OSER1: variants seen among roughly 807,000 people sequenced by gnomAD.
The protein encoded by OSER1 is oxidative stress responsive serine rich 1, also known as oxidative stress-responsive serine-rich protein 1.
In OSER1, 15 loss-of-function variants were observed where a neutral mutation model predicts 26.3. That is an observed-to-expected ratio of 0.57 (90% CI 0.38 to 0.88). The LOEUF (loss-of-function observed/expected upper bound fraction) is 0.88, where lower values mean the gene tolerates loss of function less well. Among genes scored for constraint, OSER1 ranks in the 40% least tolerant of loss-of-function variants. The probability of loss-of-function intolerance (pLI) is 0.00; values close to 1 mark genes in which losing one functional copy is unlikely to be tolerated. For synonymous variants in OSER1, 127 were observed against 128.2 expected, an observed-to-expected ratio of 0.99 and a Z score of 0.07; for missense variants, 313 against 353.9, an observed-to-expected ratio of 0.88 and a Z score of 0.93.
chr20:44,200,947 T>C (rs551479746), intron 3 of OSER1, among the ~76,000 whole-genome samples: 2 of 152,176 alleles, frequency 1.3e-5, no homozygotes, highest in Non-Finnish European at 2.9e-5. Flanking sequence ...TAACTGTCAA[T>C]CTAGAAATAT....
rs765799812 is a variant in OSER1 at position 44,203,112 on chromosome 20, G to A, written c.78-38C>T. The A allele has an allele frequency of 4.8e-6, 5 of 1,046,634 alleles. No homozygotes were observed. In the South Asian group the frequency reaches 5.1e-5, roughly 11 times the overall value. The allele number at this position is 1,046,634 out of a possible 1,614,324, so 64.8% of individuals were successfully genotyped here. On this transcript the variant is annotated intron_variant, in intron 2 of 3. Coordinates refer to ENST00000255174, the MANE Select transcript of OSER1 (RefSeq NM_016470.8). ...ACAAAGTTTACAGCTACAAAAAACTGTAAAATGAGGAGAACATATTGTTCT... is the reference window on the plus strand; with the variant it reads ...ACAAAGTTTACAGCTACAAAAAACTATAAAATGAGGAGAACATATTGTTCT...
chr20:44,210,786 C>G (rs1192022396), upstream of OSER1: 2 of 152,572 alleles, frequency 1.3e-5, no homozygotes, highest in African/African-American at 2.4e-5. Context: ...CGGATCCAAA[C>G]CAGCCAAGGG....
At chr20:44,210,000 G>C (rs41282016) in intron 1 of OSER1, 2,554 of 152,444 alleles carry the variant, frequency 0.017, 30 homozygotes, top group Non-Finnish European at 0.026. Context: ...AGGACAAAAA[G>C]CACATTCACA....
rs1204491901 is a variant in OSER1, at chr20:44,197,515, T to A, written c.416A>T (p.Asp139Val). The A allele has an allele frequency of 6.2e-7, 1 of 1,614,144 alleles. No homozygotes were observed. Among genetic ancestry groups the A allele is most frequent in the South Asian group, 1.1e-5 (1 of 91,084 alleles). The change falls in exon 4 of 4, where the codon GAT becomes GTT. Residue 139 changes from aspartate (D) to valine (V), a missense_variant. Around this residue, in one of 2 missense-constraint regions of OSER1, gnomAD observed 300 missense variants for 318.3 expected, o/e 0.94. Transcript: ENST00000255174. ...FSAGESSTSL[D>V]ANHTGAVVEP... ...AACGACTGCCCCTGTGTGATTAGCATCGAGAGAAGTAGAGCTTTCTCCTGC... is the reference window on the plus strand; with the variant it reads ...AACGACTGCCCCTGTGTGATTAGCAACGAGAGAAGTAGAGCTTTCTCCTGC...
At chr20:44,206,791 T>C in intron 2 of OSER1, 90 bp downstream of exon 2, 1 of 644,510 alleles carries the variant, frequency 1.6e-6, no homozygotes, top group East Asian at 2.8e-5. Context: ...TAATGAGAAA[T>C]ATTAAAAGAG....
intron 2 of OSER1, among the ~76,000 whole-genome samples, chr20:44,204,775 A>G (rs1440355285): frequency 6.6e-6 from 1 of 152,152 alleles, no homozygotes; most frequent in South Asian, 2.1e-4. Context: ...TTTTGACCAT[A>G]TATTTTGAAA....
chr20:44,202,838 C>T (rs1388161924), intron 3 of OSER1, 123 bp downstream of exon 3: 5 of 509,510 alleles, frequency 9.8e-6, no homozygotes, highest in Middle Eastern at 3.3e-4. Flanking sequence ...GGAATAGGTC[C>T]TCATCTAATC....
chr20:44,202,502 AG>A (rs1449197760), intron 3 of OSER1, among the ~76,000 whole-genome samples: 1 of 152,266 alleles, frequency 6.6e-6, no homozygotes, highest in Non-Finnish European at 1.5e-5. Flanking sequence ...TCAATTCACC[AG>A]AAAGAAAACA....
rs908167575 is a variant in OSER1 at position 44,196,210 on chromosome 20, T to C, written c.*842A>G. 6.6e-6 allele frequency among the ~76,000 whole-genome samples: 1 copy of C among 151,610 alleles called. No homozygotes were observed. The highest frequency in any genetic ancestry group is 2.4e-5 in the African/African-American group (1 of 41,248). The stretch of plus-strand genomic sequence containing the variant: ...GAATGTACAAAATTCTCTTTTAGGG[T>C]TGCTGGGGTGACAGGGCAGCTCAAA... On this transcript the variant is annotated 3_prime_UTR_variant, in exon 4 of 4. Coordinates refer to ENST00000255174, the MANE Select transcript of OSER1 (RefSeq NM_016470.8).
At chr20:44,210,158 G>A (rs555057110) in intron 1 of OSER1, 29 of 152,588 alleles carry the variant, frequency 1.9e-4, no homozygotes, top group Admixed American at 1.4e-3. Flanking sequence ...GGTAGGACGG[G>A]GCTTGGAGTG....
At position 44,197,422 on chromosome 20, in the gene OSER1, G is replaced by A. The variant is rs1310417460; in HGVS notation, c.509C>T (p.Thr170Ile). 1.2e-6 allele frequency: 2 copies of A among 1,614,202 alleles called. No homozygotes were observed. The highest frequency in any genetic ancestry group is 1.7e-6 in the Non-Finnish European group (2 of 1,180,008). The change falls in exon 4 of 4, where the codon ACC becomes ATC. Residue 170 changes from threonine (T) to isoleucine (I), a missense_variant. By Grantham distance (89) the Thr-to-Ile change is moderately conservative (BLOSUM62 -1). Transcript: ENST00000255174. The part of the protein sequence containing the change: ...ESKKEDSSDA[T>I]QVPQASLKAS... ...TTTGAGACTTGCTTGGGGGACTTGGGTAGCGTCAGAGGAGTCTTCCTTCTT... is the reference window on the plus strand; with the variant it reads ...TTTGAGACTTGCTTGGGGGACTTGGATAGCGTCAGAGGAGTCTTCCTTCTT...
upstream of OSER1, chr20:44,210,821 G>A (rs731499): frequency 0.37 from 56,674 of 152,394 alleles, 12,236 homozygotes; most frequent in African/African-American, 0.6. Context: ...CGGGAGTCGC[G>A]TTGCGCCTGC....
intron 3 of OSER1, 44 bp from the exon 4 acceptor site, chr20:44,197,783 G>A: frequency 7.5e-7 from 1 of 1,333,494 alleles, no homozygotes; most frequent in Non-Finnish European, 1.1e-6. Context: ...GGGATATGGA[G>A]CTGTCCTAAA....
At chr20:44,203,694 T>TCACTCA (rs1555866750) in intron 2 of OSER1, among the ~76,000 whole-genome samples, 3 of 145,362 alleles carry the variant, frequency 2.1e-5, no homozygotes, top group African/African-American at 5.1e-5. Context: ...CAGACTTTTT[T>TCACTCA]CACACACACA....
intron 1 of OSER1, chr20:44,207,284 C>G (rs938576376): frequency 4.9e-5 from 9 of 183,300 alleles, no homozygotes; most frequent in South Asian, 3.1e-4. Flanking sequence ...AGTATACATA[C>G]TTTTTAACGG....
In OSER1 at chr20:44,197,159, G is replaced by A. The variant is rs760198955; in HGVS notation, c.772C>T (p.Arg258Ter). ...ATGGTCACATCATCCACGAAGACTC[G>A]AGCTTGCTCAGAACAGGATCGGGGA... ...GSPRSCSEQA[R>*]VFVDDVTIED... Residue 258 changes from arginine to a stop codon, truncating the protein, a stop_gained, in exon 4 of 4, where the codon CGA (arginine) becomes TGA (stop). Transcript: ENST00000255174. LOFTEE classifies it high-confidence loss of function. The A allele has an allele frequency of 1.2e-6, 2 of 1,614,056 alleles. No individual in the cohort carries two copies. The highest frequency in any genetic ancestry group is 8.5e-7 in the Non-Finnish European group (1 of 1,179,900).
chr20:44,204,283 T>G (rs1454938860), intron 2 of OSER1, among the ~76,000 whole-genome samples: 1 of 152,228 alleles, frequency 6.6e-6, no homozygotes, highest in Non-Finnish European at 1.5e-5. Flanking sequence ...AAGGCCTGGT[T>G]AGTTTATGAG....
intron 2 of OSER1, 141 bp from the exon 3 acceptor site, chr20:44,203,215 G>T: frequency 3.7e-6 from 2 of 543,894 alleles, no homozygotes; most frequent in Non-Finnish European, 6.5e-6. Flanking sequence ...AGCTTTTAAT[G>T]TAAATTTTCC....
In OSER1 at chr20:44,210,744, C is replaced by G. The variant is rs1015338383; in HGVS notation, c.-90G>C. On this transcript the variant is annotated 5_prime_UTR_variant, in exon 1 of 4. Coordinates refer to ENST00000255174, the MANE Select transcript of OSER1 (RefSeq NM_016470.8). ...GTGATGCGGGGCAGTCAGTTCAGAG[C>G]GTCTCTCCCAAATCTCGGCACCCGA... 3 of 152,384 alleles carry G rather than the reference C, an allele frequency of 2.0e-5. No individual in the cohort carries two copies. Among genetic ancestry groups the G allele is most frequent in the East Asian group, 1.9e-4 (1 of 5,192 alleles). The allele number at this position is 152,384 out of a possible 1,614,324, so 9.4% of individuals were successfully genotyped here.
Sources: gnomAD v4.1 joint callset for allele counts (sites outside exome capture counted in the v4.1 genomes callset) on GRCh38, gnomAD v4.1.1 for gene constraint, gnomAD v4.1.1 regional missense constraint, MANE v1.5 for transcripts, NCBI Gene and HGNC (gene_info 2026-07-23, HGNC 2026-07-21) for gene names.